PTPRG: variants seen among roughly 807,000 people sequenced by gnomAD.
PTPRG encodes the protein receptor-type tyrosine-protein phosphatase gamma.
Under a neutral mutation model 165.3 loss-of-function variants are expected in PTPRG, and 102 were observed. The ratio of observed to expected loss-of-function variants is 0.62; its 90% CI spans 0.53 to 0.73. The LOEUF is 0.73. Among genes scored for constraint, PTPRG ranks in the 30% least tolerant of loss-of-function variants. PTPRG has a pLI of 0.00. For synonymous variants in PTPRG, 675 were observed against 669.5 expected, an observed-to-expected ratio of 1.01 and a Z score of -0.13; for missense variants, 1,866 against 1,861.4, an observed-to-expected ratio of 1.00 and a Z score of -0.05.
intron 1 of PTPRG, among the ~76,000 whole-genome samples, chr3:61,606,009 C>T (rs1026580336): frequency 5.3e-5 from 8 of 152,244 alleles, no homozygotes; most frequent in African/African-American, 1.9e-4. Flanking sequence ...CACCCCTCAC[C>T]CCATGTGGTG....
At chr3:61,872,099 A>T (rs921806993) in intron 2 of PTPRG, among the ~76,000 whole-genome samples, 1 of 152,212 alleles carries the variant, frequency 6.6e-6, no homozygotes, top group African/African-American at 2.4e-5. Context: ...CACTTTTCAA[A>T]ATGTCTTGTT....
chr3:62,292,496 G>A lies in PTPRG; in HGVS notation c.4131G>A (p.Val1377=). 1 of 1,613,552 alleles carries A rather than the reference G, an allele frequency of 6.2e-7. No individual in the cohort carries two copies. The highest frequency in any genetic ancestry group is 1.1e-5 in the South Asian group (1 of 91,066). ...LSQQLENENA[V]DVFQVAKMIN... is the part of the protein sequence containing the mutation. Reference sequence around the variant, plus strand: ...AGCAACTGGAGAATGAAAATGCTGTGGATGTTTTCCAGGTTGCAAAAATGA... The same window carrying A: ...AGCAACTGGAGAATGAAAATGCTGTAGATGTTTTCCAGGTTGCAAAAATGA... The change falls in exon 29 of 30, where the codon GTG becomes GTA. Residue 1377 remains valine, a synonymous_variant. Transcript: ENST00000474889.
At chr3:62,073,823 A>G (rs1164939036) in intron 4 of PTPRG, among the ~76,000 whole-genome samples, 2 of 152,188 alleles carry the variant, frequency 1.3e-5, no homozygotes, top group Admixed American at 6.5e-5. Flanking sequence ...GTACGCTTCC[A>G]ACTGTCAGAG....
At chr3:62,141,158 G>C (rs74933370) in intron 6 of PTPRG, among the ~76,000 whole-genome samples, 1 of 152,060 alleles carries the variant, frequency 6.6e-6, no homozygotes, top group African/African-American at 2.4e-5. Flanking sequence ...GTCAAGTGTT[G>C]GCAAGGATAT....
chr3:61,800,279 G>GAAGAC (rs1422910721), intron 2 of PTPRG, among the ~76,000 whole-genome samples: 1 of 152,250 alleles, frequency 6.6e-6, no homozygotes, highest in East Asian at 1.9e-4. Flanking sequence ...CAGGTGAGTT[G>GAAGAC]AAGACAGGTG....
At chr3:62,015,173 G>A (rs546798758) in intron 4 of PTPRG, among the ~76,000 whole-genome samples, 1 of 152,304 alleles carries the variant, frequency 6.6e-6, no homozygotes, top group South Asian at 2.1e-4. Context: ...TATTCATTTG[G>A]TTCATTAACA....
At chr3:62,259,879 A>G (rs891085998) in intron 16 of PTPRG, among the ~76,000 whole-genome samples, 33 of 152,152 alleles carry the variant, frequency 2.2e-4, no homozygotes, top group Non-Finnish European at 5.9e-5. Context: ...TTCAAAGGGT[A>G]TGGAGTTAAT....
chr3:61,663,552 C>G (rs189406177), intron 1 of PTPRG, among the ~76,000 whole-genome samples: 25 of 151,988 alleles, frequency 1.6e-4, no homozygotes, highest in Non-Finnish European at 3.4e-4. Flanking sequence ...TTCCATGGAC[C>G]GGGGGTTGGG....
chr3:61,908,302 T>C (rs575365479), intron 2 of PTPRG, among the ~76,000 whole-genome samples: 177 of 150,506 alleles, frequency 1.2e-3, no homozygotes, highest in African/African-American at 4.0e-3. Context: ...GGCGCATGCC[T>C]GTAGTCCCAG....
Position 62,126,996 on chromosome 3 carries a change from G to A in PTPRG, c.616-5606G>A, listed in dbSNP as rs552812886. On this transcript the variant is annotated intron_variant, in intron 5 of 29. Coordinates refer to ENST00000474889, the MANE Select transcript of PTPRG (RefSeq NM_002841.4). ...TTCTATATCAGAAACTAAGACCATT[G>A]GCTATACAAGAAGGAAGGTAATATT... Among the ~76,000 whole-genome samples, 14 of 152,248 alleles carry A rather than the reference G, an allele frequency of 9.2e-5. No individual in the cohort carries two copies. The South Asian group carries it at 1.9e-3, about 20-fold the overall frequency.
intron 3 of PTPRG, among the ~76,000 whole-genome samples, chr3:61,991,167 G>C (rs2040878588): frequency 6.6e-6 from 1 of 152,088 alleles, no homozygotes; most frequent in Non-Finnish European, 1.5e-5. Flanking sequence ...ATGAGTAGCT[G>C]CGTAGAAAAA....
At chr3:61,866,762 C>T (rs553795907) in intron 2 of PTPRG, among the ~76,000 whole-genome samples, 2 of 151,992 alleles carry the variant, frequency 1.3e-5, no homozygotes, top group South Asian at 2.1e-4. Context: ...CCACGCCCAG[C>T]TAATTTTTGT....
intron 2 of PTPRG, among the ~76,000 whole-genome samples, chr3:61,937,524 G>A (rs769883446): frequency 9.9e-5 from 15 of 152,132 alleles, no homozygotes; most frequent in African/African-American, 3.1e-4. Flanking sequence ...AAGGCTGATC[G>A]TATTTTCATT....
chr3:61,720,603 G>T (rs1422987462), intron 1 of PTPRG, among the ~76,000 whole-genome samples: 2 of 152,152 alleles, frequency 1.3e-5, no homozygotes, highest in East Asian at 3.8e-4. Flanking sequence ...CACTTCAAGG[G>T]CTACTACCGT....
rs902830513 is a variant in PTPRG, at chr3:61,726,189, A to C, written c.86-22689A>C. On this transcript the variant is annotated intron_variant, in intron 1 of 29. Coordinates refer to ENST00000474889, the MANE Select transcript of PTPRG (RefSeq NM_002841.4). ...ACAGAGCGGCAGTTCTTATCTTCAG[A>C]CTTCAGTCAAGTTTCATTACTGTGG... Among the ~76,000 whole-genome samples the C allele has an allele frequency of 3.3e-5, 5 of 152,166 alleles. No homozygotes were observed. In the East Asian group the frequency reaches 7.7e-4, roughly 23 times the overall value.
chr3:61,794,905 T>A (rs1269994291), intron 2 of PTPRG, among the ~76,000 whole-genome samples: 1 of 152,184 alleles, frequency 6.6e-6, no homozygotes, highest in African/African-American at 2.4e-5. Flanking sequence ...TTTGGACTTA[T>A]TTAGTCATAA....
chr3:62,205,755 T>C (rs1266537021), intron 12 of PTPRG, among the ~76,000 whole-genome samples: 3 of 151,936 alleles, frequency 2.0e-5, no homozygotes, highest in Admixed American at 6.6e-5. Flanking sequence ...GATTTAGAGA[T>C]TGATGGAGGT....
At chr3:61,925,018 A>G (rs1459032404) in intron 2 of PTPRG, among the ~76,000 whole-genome samples, 1 of 152,234 alleles carries the variant, frequency 6.6e-6, no homozygotes, top group Admixed American at 6.5e-5. Flanking sequence ...AGAACCCCAC[A>G]GAACACACTG....
intron 13 of PTPRG, among the ~76,000 whole-genome samples, chr3:62,226,981 A>G (rs1700778032): frequency 6.6e-6 from 1 of 152,138 alleles, no homozygotes; most frequent in Admixed American, 6.5e-5. Flanking sequence ...TCTTCCCTGG[A>G]TGTTCAGTGG....
Sources: gnomAD v4.1 joint callset for allele counts (sites outside exome capture counted in the v4.1 genomes callset) on GRCh38, gnomAD v4.1.1 for gene constraint, MANE v1.5 for transcripts, NCBI Gene and HGNC (gene_info 2026-07-23, HGNC 2026-07-21) for gene names.